The following LOXL2 variants were observed in gnomAD, a reference collection of about 807,000 sequenced individuals.
The protein encoded by LOXL2 is lysyl oxidase homolog 2.
Under a neutral mutation model 93.0 loss-of-function variants are expected in LOXL2, and 70 were observed. The ratio of observed to expected loss-of-function variants is 0.75; its 90% CI spans 0.62 to 0.92. The LOEUF is 0.92. LOXL2 is among the 40% of genes least tolerant of loss of function. The probability of loss-of-function intolerance (pLI) is 0.00; values close to 1 mark genes in which losing one functional copy is unlikely to be tolerated. For missense variants in LOXL2, 973 were observed against 1,054.9 expected (o/e 0.92, Z 1.08); for synonymous variants, 438 against 413.2 (o/e 1.06, Z -0.73).
Position 23,317,035 on chromosome 8 carries a change from G to T in LOXL2, c.1550C>A (p.Ser517Tyr). The change falls in exon 9 of 14, where the codon TCC (serine) becomes TAC (tyrosine). Residue 517 changes from serine to tyrosine, a missense_variant. Ser to Tyr is a moderately radical substitution (Grantham distance 144, BLOSUM62 -2). Transcript: ENST00000389131. ...CCCGTCGTGGCGGCAGTGCGCCAGG[G>T]ACAGCTCCGTTCCCGAGCACTTCAC... ...SGVKCSGTEL[S>Y]LAHCRHDGED... 6.2e-7 allele frequency: 1 copy of T among 1,614,178 alleles called. No homozygotes were observed. The highest frequency in any genetic ancestry group is 8.5e-7 in the Non-Finnish European group (1 of 1,180,008).
At chr8:23,299,050 G>A (rs1207976060) in intron 12 of LOXL2, 103 bp from the exon 13 acceptor site, 2 of 708,022 alleles carry the variant, frequency 2.8e-6, no homozygotes, top group Admixed American at 4.2e-5. Flanking sequence ...GGGGAGCGTG[G>A]CAGGTGCCGG....
intron 2 of LOXL2, among the ~76,000 whole-genome samples, chr8:23,360,920 T>A (rs145926495): frequency 1.3e-4 from 19 of 151,904 alleles, no homozygotes; most frequent in Admixed American, 3.3e-4. Context: ...GTTTTTTTTT[T>A]AGACAGAGTC....
At chr8:23,328,131 T>C (rs879762886) in intron 6 of LOXL2, among the ~76,000 whole-genome samples, 1 of 152,126 alleles carries the variant, frequency 6.6e-6, no homozygotes, top group Non-Finnish European at 1.5e-5. Context: ...GCTGCTAATA[T>C]GTTATCTCAC....
intron 1 of LOXL2, among the ~76,000 whole-genome samples, chr8:23,378,368 T>G (rs1804624687): frequency 6.6e-6 from 1 of 152,164 alleles, no homozygotes; most frequent in African/African-American, 2.4e-5. Context: ...TGGCTGTCCT[T>G]AACATTTTTT....
chr8:23,377,068 T>C (rs1804606588), intron 1 of LOXL2, among the ~76,000 whole-genome samples: 1 of 152,236 alleles, frequency 6.6e-6, no homozygotes, highest in South Asian at 2.1e-4. Flanking sequence ...CTTTCTCTTG[T>C]GGGCATTTAG....
intron 9 of LOXL2, among the ~76,000 whole-genome samples, chr8:23,314,832 G>GA (rs33927977): frequency 0.79 from 117,872 of 149,242 alleles, 46,276 homozygotes; most frequent in South Asian, 0.87. Flanking sequence ...AACGAAAAAA[G>GA]AAAAAAATAA....
chr8:23,355,772 G>A (rs1205510958), intron 3 of LOXL2, among the ~76,000 whole-genome samples: 3 of 151,374 alleles, frequency 2.0e-5, no homozygotes, highest in Admixed American at 6.6e-5. Flanking sequence ...ACCATGCCAC[G>A]TTAATTTTTT....
At chr8:23,316,728 C>G (rs1803407286) in intron 9 of LOXL2, 1 of 534,116 alleles carries the variant, frequency 1.9e-6, no homozygotes, top group Non-Finnish European at 3.2e-6. Flanking sequence ...CTACAGACTG[C>G]AGCCCCTCCC....
chr8:23,360,057 G>T, intron 3 of LOXL2, 33 bp downstream of exon 3: 2 of 1,572,018 alleles, frequency 1.3e-6, no homozygotes, highest in Non-Finnish European at 8.7e-7. Flanking sequence ...AAAAATGTTT[G>T]CATGAAGGAA....
At chr8:23,384,944 C>T (rs1318722832) in intron 1 of LOXL2, among the ~76,000 whole-genome samples, 2 of 149,854 alleles carry the variant, frequency 1.3e-5, no homozygotes, top group Admixed American at 1.4e-4. Context: ...GCTTTCCCAG[C>T]ATTCAACATG....
chr8:23,319,071 T>A (rs1204079339), intron 8 of LOXL2, among the ~76,000 whole-genome samples: 1 of 152,228 alleles, frequency 6.6e-6, no homozygotes, highest in African/African-American at 2.4e-5. Flanking sequence ...GAGCAGGGTC[T>A]CCAAGCATCT....
chr8:23,314,996 C>G (rs575813160), intron 9 of LOXL2, among the ~76,000 whole-genome samples: 1 of 152,136 alleles, frequency 6.6e-6, no homozygotes. Context: ...AAGCCCCGTG[C>G]GAGCCCCTGG....
rs748952661 is a variant in LOXL2, at chr8:23,316,969, G to GC, written c.1615dup (p.Ala539GlyfsTer11). Reference sequence around the variant, plus strand: ...CTCACTTTCTGAGCAGGCAACTCCGGCCCCGTACTGCACTCCGCCCTGGGG... The same window carrying GC: ...CTCACTTTCTGAGCAGGCAACTCCGGCCCCCGTACTGCACTCCGCCCTGGGG... On this transcript the variant is annotated frameshift_variant, in exon 9 of 14. Transcript: ENST00000389131. LOFTEE classifies it high-confidence loss of function. 3.7e-6 allele frequency: 6 copies of GC among 1,608,542 alleles called. No homozygotes were observed. In the East Asian group the frequency reaches 1.3e-4, roughly 36 times the overall value.
intron 1 of LOXL2, among the ~76,000 whole-genome samples, chr8:23,375,237 T>C (rs1804569244): frequency 6.6e-6 from 1 of 152,158 alleles, no homozygotes; most frequent in Non-Finnish European, 1.5e-5. Flanking sequence ...GTCAGGTTTG[T>C]TAAAGATCGG....
chr8:23,341,842 G>T (rs1803887391), intron 3 of LOXL2, among the ~76,000 whole-genome samples: 1 of 152,222 alleles, frequency 6.6e-6, no homozygotes, highest in African/African-American at 2.4e-5. Context: ...TGAGCGTGCT[G>T]TGTGCAGAGA....
Position 23,388,635 on chromosome 8 carries a change from A to T in LOXL2, c.-84+15319T>A, listed in dbSNP as rs1385031631. Among the ~76,000 whole-genome samples, 6 of 69,686 alleles carry T rather than the reference A, an allele frequency of 8.6e-5. No homozygotes were observed. In the East Asian group the frequency reaches 1.2e-3, roughly 14 times the overall value. The allele number at this position is 69,686 out of a possible 152,430, so 45.7% of individuals were successfully genotyped here. A position where few individuals can be genotyped will look rare whatever the true frequency, so the allele number is the denominator to read the frequency against. Reference sequence around the variant, plus strand: ...GCAAAAAATATACTCACACACACACACACACACACACACACACACACACAC... The same window carrying T: ...GCAAAAAATATACTCACACACACACTCACACACACACACACACACACACAC... On this transcript the variant is annotated intron_variant, in intron 1 of 13. Coordinates refer to ENST00000389131, the MANE Select transcript of LOXL2 (RefSeq NM_002318.3).
intron 1 of LOXL2, among the ~76,000 whole-genome samples, chr8:23,379,966 GC>G (rs35088200): frequency 0.089 from 13,474 of 152,126 alleles, 851 homozygotes; most frequent in African/African-American, 0.18. Flanking sequence ...TGTCCTACGA[GC>G]CCCAGTGAGA....
chr8:23,357,046 G>A (rs941054403), intron 3 of LOXL2, among the ~76,000 whole-genome samples: 6 of 151,798 alleles, frequency 4.0e-5, no homozygotes, highest in East Asian at 1.9e-4. Context: ...TAAGAAAGTC[G>A]TCTCCAACAT....
chr8:23,309,811 G>T lies in LOXL2; in HGVS notation c.1737C>A (p.Cys579Ter). 6.2e-7 allele frequency: 1 copy of T among 1,603,882 alleles called. No individual in the cohort carries two copies. The highest frequency in any genetic ancestry group is 8.5e-7 in the Non-Finnish European group (1 of 1,175,440). The change falls in exon 10 of 14, where the codon TGC becomes TGA. Residue 579 changes from cysteine (C) to a stop codon, truncating the protein, a stop_gained. Coordinates refer to ENST00000389131, the MANE Select transcript of LOXL2 (RefSeq NM_002318.3). LOFTEE classifies it high-confidence loss of function. Reference protein sequence around the residue: ...FMLQCAMEENCLSASAAQTDP... With the variant: ...FMLQCAMEEN ...CGGTCTGCGCGGCTGAGGCCGAGAGGCAGTTCTCCTCCATGGCACACTGCA... is the reference window on the plus strand; with the variant it reads ...CGGTCTGCGCGGCTGAGGCCGAGAGTCAGTTCTCCTCCATGGCACACTGCA...
Sources: allele counts gnomAD v4.1 joint callset (sites outside exome capture counted in the v4.1 genomes callset), GRCh38; gene constraint gnomAD v4.1.1; transcripts MANE v1.5; gene names NCBI Gene and HGNC (gene_info 2026-07-23, HGNC 2026-07-21).